Variants in LDLRAD2 observed in about 807,000 individuals in gnomAD.
LDLRAD2 encodes low-density lipoprotein receptor class A domain-containing protein 2.
Under a neutral mutation model 24.9 loss-of-function variants are expected in LDLRAD2, and 25 were observed. The observed-to-expected ratio is 1.00, with a 90% CI of 0.73 to 1.40. The LOEUF (loss-of-function observed/expected upper bound fraction) is 1.40, where lower values mean the gene tolerates loss of function less well. Ranked by LOEUF, LDLRAD2 falls within the 40% of genes most tolerant of loss-of-function variation. The pLI is 0.00. For missense variants in LDLRAD2, 391 were observed against 366.2 expected (o/e 1.07, Z -0.55); for synonymous variants, 182 against 166.7 (o/e 1.09, Z -0.71).
chr1:21,818,924 T>A (rs1222092179), intron 3 of LDLRAD2, among the ~76,000 whole-genome samples: 1 of 56,900 alleles, frequency 1.8e-5, no homozygotes, highest in Non-Finnish European at 3.4e-5. Context: ...ACCCCCTCCC[T>A]GGCCCCGCCT....
Position 21,816,003 on chromosome 1 carries a change from G to A in LDLRAD2, c.572G>A (p.Cys191Tyr). 1 of 1,613,912 alleles carries A rather than the reference G, an allele frequency of 6.2e-7. No individual in the cohort carries two copies. The highest frequency in any genetic ancestry group is 8.5e-7 in the Non-Finnish European group (1 of 1,180,004). The part of the protein sequence containing the change: ...NGRCIPSSLV[C>Y]DPWGMDNCGD... ...AGGTGCATCCCCTCAAGCCTCGTGT[G>A]TGACCCCTGGGGCATGGACAACTGT... is the stretch of plus-strand genomic sequence containing the variant. Residue 191 changes from cysteine (C) to tyrosine (Y), a missense_variant, in exon 3 of 5, where the codon TGT (cysteine) becomes TAT (tyrosine). Cys to Tyr is a radical substitution (Grantham distance 194). Transcript: ENST00000344642.
chr1:21,820,055 G>A (rs2097948597), intron 3 of LDLRAD2, among the ~76,000 whole-genome samples: 1 of 152,122 alleles, frequency 6.6e-6, no homozygotes, highest in African/African-American at 2.4e-5. Context: ...AACTATTCAT[G>A]AGAAATCCAC....
rs1180205758 is a variant in LDLRAD2, at chr1:21,824,682, G to A, written c.*2467G>A. The A allele has an allele frequency of 1.9e-6, 3 of 1,612,976 alleles. No homozygotes were observed. In the South Asian group the frequency reaches 3.3e-5, roughly 18 times the overall value. ...CCCATCCTCCCCATTAGGCCCATGG[G>A]CCCTTCCAATGCCAGTCTCACCTCC... On this transcript the variant is annotated 3_prime_UTR_variant, in exon 5 of 5. Coordinates refer to ENST00000344642, the MANE Select transcript of LDLRAD2 (RefSeq NM_001013693.3). The surrounding 1 kb of genome is among the most constrained non-coding windows in gnomAD (Gnocchi z 5.9).
chr1:21,818,481 C>G (rs1045267180), intron 3 of LDLRAD2, among the ~76,000 whole-genome samples: 23 of 152,198 alleles, frequency 1.5e-4, no homozygotes, highest in African/African-American at 4.8e-4. Flanking sequence ...CATGAAAAGA[C>G]TAGAGTTACA....
At position 21,814,794 on chromosome 1, in the gene LDLRAD2, T is replaced by G; in HGVS notation, c.482T>G (p.Phe161Cys). The G allele has an allele frequency of 6.8e-7, 1 of 1,476,262 alleles. No individual in the cohort carries two copies. Among genetic ancestry groups the G allele is most frequent in the Non-Finnish European group, 8.9e-7 (1 of 1,120,510 alleles). 91.4% of individuals were successfully genotyped at this position (1,476,262 alleles called of 1,614,324 possible). A position where few individuals can be genotyped will look rare whatever the true frequency, so the allele number is the denominator to read the frequency against. Residue 161 changes from phenylalanine (F) to cysteine (C), a missense_variant, in exon 2 of 5, where the codon TTC becomes TGC. By Grantham distance (205) the Phe-to-Cys change is radical (BLOSUM62 -2). Transcript: ENST00000344642. ...VTRGRQPRVDFVGEVTSFRLG... is the reference protein window; with the variant it reads ...VTRGRQPRVDCVGEVTSFRLG... ...AGAGGCCGCCAGCCCCGCGTGGACT[T>G]CGTGGGCGAAGTCACCTCTTTCCGT...
chr1:21,813,355 T>C (rs974747214), intron 1 of LDLRAD2, among the ~76,000 whole-genome samples: 2 of 151,952 alleles, frequency 1.3e-5, no homozygotes, highest in Non-Finnish European at 2.9e-5. Context: ...ATGCCTGCCC[T>C]GTGTACCTTC....
chr1:21,813,375 T>G (rs777955437), intron 1 of LDLRAD2, among the ~76,000 whole-genome samples: 1 of 152,110 alleles, frequency 6.6e-6, no homozygotes, highest in African/African-American at 2.4e-5. Flanking sequence ...CAGGGTAGGC[T>G]CTGGCTTTAG....
At position 21,822,488 on chromosome 1, in the gene LDLRAD2, ATCCGTCCGTCCG is replaced by A. The variant is rs750951967; in HGVS notation, c.*275_*286del. ...CTAGCTCTTCCTGAGCACCAGCGGC[ATCCGTCCGTCCG>A]TTGTCTGTTGGAGGAGTCCCTGGGC... On this transcript the variant is annotated 3_prime_UTR_variant, in exon 5 of 5. Coordinates refer to ENST00000344642, the MANE Select transcript of LDLRAD2 (RefSeq NM_001013693.3). 2 of 457,824 alleles carry A rather than the reference ATCCGTCCGTCCG, an allele frequency of 4.4e-6. No individual in the cohort carries two copies. Among genetic ancestry groups the A allele is most frequent in the African/African-American group, 4.0e-5 (2 of 50,138 alleles). The allele number at this position is 457,824 out of a possible 1,614,324, so 28.4% of individuals were successfully genotyped here. A position where few individuals can be genotyped will look rare whatever the true frequency, so the allele number is the denominator to read the frequency against.
At position 21,812,324 on chromosome 1, in the gene LDLRAD2, TC is replaced by T; in HGVS notation, c.-123del. The T allele has an allele frequency of 3.0e-6, 2 of 658,354 alleles. No individual in the cohort carries two copies. Among genetic ancestry groups the T allele is most frequent in the East Asian group, 2.8e-5 (1 of 36,314 alleles). The allele number at this position is 658,354 out of a possible 1,614,324, so 40.8% of individuals were successfully genotyped here. On this transcript the variant is annotated 5_prime_UTR_variant, in exon 1 of 5. Transcript: ENST00000344642. ...ACTAAGATCATAGTGAAGACTTGCC[TC>T]CCCCTTCTCCTTGTGTCCCACCAGC...
Position 21,823,322 on chromosome 1 carries a change from G to A in LDLRAD2, c.*1107G>A, listed in dbSNP as rs1286671612. On this transcript the variant is annotated 3_prime_UTR_variant, in exon 5 of 5. Transcript: ENST00000344642. ...GTGTGGGGCAGGCAGGTGCCTACGAGGGGCAGGGGCGTGTGTTGGCCCCGG... is the reference window on the plus strand; with the variant it reads ...GTGTGGGGCAGGCAGGTGCCTACGAAGGGCAGGGGCGTGTGTTGGCCCCGG... 1 of 1,532,536 alleles carries A rather than the reference G, an allele frequency of 6.5e-7. No individual in the cohort carries two copies. Among genetic ancestry groups the A allele is most frequent in the South Asian group, 1.2e-5 (1 of 83,574 alleles). 94.9% of individuals were successfully genotyped at this position (1,532,536 alleles called of 1,614,324 possible). A position where few individuals can be genotyped will look rare whatever the true frequency, so the allele number is the denominator to read the frequency against.
chr1:21,813,156 A>T (rs528430658), intron 1 of LDLRAD2, among the ~76,000 whole-genome samples: 1 of 152,156 alleles, frequency 6.6e-6, no homozygotes. Context: ...TTAGCTGGGC[A>T]TGGTGGCATG....
At chr1:21,818,866 C>T (rs2097947065) in intron 3 of LDLRAD2, among the ~76,000 whole-genome samples, 1 of 123,152 alleles carries the variant, frequency 8.1e-6, no homozygotes, top group African/African-American at 3.0e-5. Context: ...TCCTTCCTGG[C>T]CCCGCCCCCC....
chr1:21,823,178 G>T lies in LDLRAD2; in HGVS notation c.*963G>T. 1 of 869,328 alleles carries T rather than the reference G, an allele frequency of 1.2e-6. No homozygotes were observed. 53.9% of individuals were successfully genotyped at this position (869,328 alleles called of 1,614,324 possible). A position where few individuals can be genotyped will look rare whatever the true frequency, so the allele number is the denominator to read the frequency against. On this transcript the variant is annotated 3_prime_UTR_variant, in exon 5 of 5. Coordinates refer to ENST00000344642, the MANE Select transcript of LDLRAD2 (RefSeq NM_001013693.3). Reference sequence around the variant, plus strand: ...TGTGAGGGTGGCATGCCCACCTCCAGTCCAGCCCAGGGCGGTAGCAGCAAA... The same window carrying T: ...TGTGAGGGTGGCATGCCCACCTCCATTCCAGCCCAGGGCGGTAGCAGCAAA...
chr1:21,817,432 T>C (rs1020441764), intron 3 of LDLRAD2, among the ~76,000 whole-genome samples: 2 of 152,182 alleles, frequency 1.3e-5, no homozygotes, highest in Non-Finnish European at 2.9e-5. Flanking sequence ...AACCTCTGCT[T>C]CCTGGGCTCA....
chr1:21,814,726 T>C lies in LDLRAD2; in HGVS notation c.414T>C (p.Pro138=). ...SPLCGLNIPV[P]VASSGPFLGL... ...TGTGCGGCCTGAACATCCCGGTGCCTGTGGCATCCTCCGGACCCTTTCTAG... is the reference window on the plus strand; with the variant it reads ...TGTGCGGCCTGAACATCCCGGTGCCCGTGGCATCCTCCGGACCCTTTCTAG... Residue 138 remains proline (P), a synonymous_variant, in exon 2 of 5, where the codon CCT becomes CCC. Coordinates refer to ENST00000344642, the MANE Select transcript of LDLRAD2 (RefSeq NM_001013693.3). The C allele has an allele frequency of 6.4e-7, 1 of 1,554,708 alleles. No homozygotes were observed. The highest frequency in any genetic ancestry group is 8.7e-7 in the Non-Finnish European group (1 of 1,151,558).
chr1:21,819,273 T>C (rs918972169), intron 3 of LDLRAD2, among the ~76,000 whole-genome samples: 32 of 151,830 alleles, frequency 2.1e-4, no homozygotes, highest in African/African-American at 7.3e-4. Context: ...CTTGGGAGGC[T>C]AAGGCAGGAG....
rs74416857 is a variant in LDLRAD2, at chr1:21,822,223, A to C, written c.*8A>C. ...ACAGGCTCCACTGAGTGAAGCCCTC[A>C]TCAAAGACTCAGGAGGCCCCTGGCG... On this transcript the variant is annotated 3_prime_UTR_variant, in exon 5 of 5. Coordinates refer to ENST00000344642, the MANE Select transcript of LDLRAD2 (RefSeq NM_001013693.3). The C allele has an allele frequency of 4.5e-5, 73 of 1,612,818 alleles. No individual in the cohort carries two copies. In the African/African-American group the frequency reaches 9.2e-4, roughly 20 times the overall value.
chr1:21,815,830 A>T, intron 2 of LDLRAD2, 113 bp from the exon 3 acceptor site: 2 of 1,267,934 alleles, frequency 1.6e-6, no homozygotes, highest in South Asian at 2.8e-5. Context: ...TGCATGCATG[A>T]GGGCAGCTCT....
chr1:21,813,876 CTT>C (rs35652739), intron 1 of LDLRAD2, among the ~76,000 whole-genome samples: 94 of 147,898 alleles, frequency 6.4e-4, no homozygotes, highest in Admixed American at 6.1e-4. Context: ...TCCCCCTCCC[CTT>C]TTTTTTTTTT....
Sources: gnomAD v4.1 joint callset for allele counts (sites outside exome capture counted in the v4.1 genomes callset) on GRCh38, gnomAD v4.1.1 for gene constraint, Gnocchi (gnomAD v3.1) non-coding constraint, MANE v1.5 for transcripts, NCBI Gene and HGNC (gene_info 2026-07-23, HGNC 2026-07-21) for gene names.